The following UBXN2A variants were observed in gnomAD, a reference collection of about 807,000 sequenced individuals.
The protein encoded by UBXN2A is UBX domain-containing protein 2A.
UBXN2A carries 28 observed loss-of-function variants against 28.4 expected under a neutral mutation model. That is an observed-to-expected ratio of 0.99 (90% CI 0.73 to 1.35). The LOEUF (loss-of-function observed/expected upper bound fraction) is 1.35, where lower values mean the gene tolerates loss of function less well. Ranked by LOEUF, UBXN2A falls within the 40% of genes most tolerant of loss-of-function variation. UBXN2A has a pLI of 0.00. For synonymous variants in UBXN2A, 97 were observed against 103.6 expected (o/e 0.94, Z 0.39); for missense variants, 253 against 297.9 (o/e 0.85, Z 1.11).
intron 6 of UBXN2A, among the ~76,000 whole-genome samples, chr2:23,998,680 C>G (rs532356801): frequency 6.6e-6 from 1 of 152,078 alleles, no homozygotes. Context: ...AAGATCACGC[C>G]GCTGCATTCC....
At chr2:23,981,476 T>TAAAAAAAAAAAAAAAAAA (rs55665209) in intron 4 of UBXN2A, among the ~76,000 whole-genome samples, 3 of 28,910 alleles carry the variant, frequency 1.0e-4, no homozygotes, top group Non-Finnish European at 1.1e-4. Flanking sequence ...AGCTCCTATC[T>TAAAAAAAAAAAAAAAAAA]AAAAAAAAAA....
At chr2:23,956,017 A>G (rs1425810983) in intron 1 of UBXN2A, among the ~76,000 whole-genome samples, 2 of 152,102 alleles carry the variant, frequency 1.3e-5, no homozygotes, top group East Asian at 3.9e-4. Context: ...GATATGTGCC[A>G]CTATGCCGAG....
Position 24,001,952 on chromosome 2 carries a change from T to TGA in UBXN2A, c.*2085_*2086insGA. 6.8e-6 allele frequency: 1 copy of TGA among 147,760 alleles called. No homozygotes were observed. The highest frequency in any genetic ancestry group is 1.5e-5 in the Non-Finnish European group (1 of 67,144). The allele number at this position is 147,760 out of a possible 1,614,324, so 9.2% of individuals were successfully genotyped here. On this transcript the variant is annotated 3_prime_UTR_variant, in exon 7 of 7. Coordinates refer to ENST00000309033, the MANE Select transcript of UBXN2A (RefSeq NM_181713.4). Reference sequence around the variant, plus strand: ...CTCCAGCCTGGTGACGGAGCGAGACTCTTTCTCAAAAAAAAAAAATTATTC... The same window carrying TGA: ...CTCCAGCCTGGTGACGGAGCGAGACTGACTTTCTCAAAAAAAAAAAATTATTC...
intron 2 of UBXN2A, among the ~76,000 whole-genome samples, chr2:23,960,422 G>A (rs1309239921): frequency 6.6e-6 from 1 of 152,020 alleles, no homozygotes; most frequent in Non-Finnish European, 1.5e-5. Flanking sequence ...CTTAGAACAG[G>A]CCTGTTTTAA....
At chr2:23,991,597 G>A (rs1183482887) in intron 6 of UBXN2A, among the ~76,000 whole-genome samples, 2 of 151,330 alleles carry the variant, frequency 1.3e-5, no homozygotes, top group Non-Finnish European at 1.5e-5. Context: ...AGACTCCTGA[G>A]TAACTGGGAT....
At chr2:23,936,646 A>G (rs896278876), upstream of UBXN2A, among the ~76,000 whole-genome samples, 2 of 152,162 alleles carry the variant, frequency 1.3e-5, no homozygotes, top group Admixed American at 6.5e-5. Context: ...TACACCTAAC[A>G]TCATACTCAA....
intron 6 of UBXN2A, chr2:23,997,232 T>C (rs1708576214): frequency 6.6e-6 from 1 of 152,190 alleles, no homozygotes; most frequent in Non-Finnish European, 1.5e-5. Context: ...TGATAAATCT[T>C]GTCAGATTTG....
In UBXN2A at chr2:23,999,959, C is replaced by G; in HGVS notation, c.*92C>G. On this transcript the variant is annotated 3_prime_UTR_variant, in exon 7 of 7. Transcript: ENST00000309033. ...TTGGGGATTGGAGAAGTCAGACTCA[C>G]TAGACTTTTGGTTCGAGTACTATTG... 7.4e-7 allele frequency: 1 copy of G among 1,342,286 alleles called. No individual in the cohort carries two copies. Among genetic ancestry groups the G allele is most frequent in the Non-Finnish European group, 1.0e-6 (1 of 972,446 alleles). The allele number at this position is 1,342,286 out of a possible 1,614,324, so 83.1% of individuals were successfully genotyped here. A position where few individuals can be genotyped will look rare whatever the true frequency, so the allele number is the denominator to read the frequency against.
intron 1 of UBXN2A, among the ~76,000 whole-genome samples, chr2:23,947,474 G>T (rs1468725598): frequency 6.6e-6 from 1 of 152,124 alleles, no homozygotes; most frequent in Admixed American, 6.6e-5. Flanking sequence ...TTGGATATTT[G>T]TCAGATGGCT....
chr2:23,928,443 G>A (rs965538854), intron 1 of UBXN2A, among the ~76,000 whole-genome samples: 1 of 152,174 alleles, frequency 6.6e-6, no homozygotes, highest in African/African-American at 2.4e-5. Context: ...CAGGTGTCGT[G>A]GTGCATGCCT....
chr2:23,973,568 G>C (rs564015114), intron 3 of UBXN2A, among the ~76,000 whole-genome samples: 1 of 151,580 alleles, frequency 6.6e-6, no homozygotes, highest in African/African-American at 2.4e-5. Context: ...TCAATCTCCT[G>C]ACCTCGTGAT....
At chr2:23,953,005 A>G (rs113352997) in intron 1 of UBXN2A, among the ~76,000 whole-genome samples, 1,685 of 150,096 alleles carry the variant, frequency 0.011, 32 homozygotes, top group Non-Finnish European at 0.015. Context: ...TATTGTGGTC[A>G]TAATACATCT....
At chr2:23,952,424 G>A (rs969505980) in intron 1 of UBXN2A, among the ~76,000 whole-genome samples, 3 of 151,602 alleles carry the variant, frequency 2.0e-5, no homozygotes, top group African/African-American at 4.8e-5. Context: ...CCACCGTGCC[G>A]GGCTAATTTA....
upstream of UBXN2A, among the ~76,000 whole-genome samples, chr2:23,936,297 T>C (rs1303553528): frequency 6.6e-6 from 1 of 152,150 alleles, no homozygotes; most frequent in Non-Finnish European, 1.5e-5. Context: ...TGACACATGC[T>C]ATAACATGAA....
At chr2:23,995,283 T>C (rs1708485360) in intron 6 of UBXN2A, among the ~76,000 whole-genome samples, 1 of 151,930 alleles carries the variant, frequency 6.6e-6, no homozygotes, top group South Asian at 2.1e-4. Context: ...CCAGTGTAAA[T>C]GTGGAGCTCA....
intron 6 of UBXN2A, among the ~76,000 whole-genome samples, chr2:23,987,907 A>G (rs1573601941): frequency 6.6e-6 from 1 of 152,082 alleles, no homozygotes; most frequent in Non-Finnish European, 1.5e-5. Context: ...GCAGATCACA[A>G]GGTCAGGAGT....
chr2:23,943,483 G>A (rs1304340362), intron 1 of UBXN2A, among the ~76,000 whole-genome samples: 3 of 152,080 alleles, frequency 2.0e-5, no homozygotes, highest in East Asian at 1.9e-4. Flanking sequence ...GAGATTGTAT[G>A]TATGTATGTT....
intron 6 of UBXN2A, among the ~76,000 whole-genome samples, chr2:23,992,758 T>C (rs899498691): frequency 2.0e-5 from 3 of 152,238 alleles, no homozygotes; most frequent in African/African-American, 4.8e-5. Context: ...CTACTCTGCC[T>C]GATATTAATA....
At chr2:23,950,498 G>A (rs552177249) in intron 1 of UBXN2A, among the ~76,000 whole-genome samples, 1 of 151,924 alleles carries the variant, frequency 6.6e-6, no homozygotes, top group Non-Finnish European at 1.5e-5. Context: ...CCGACTCCTG[G>A]GTTCCAGCAA....
Sources: allele counts gnomAD v4.1 joint callset (sites outside exome capture counted in the v4.1 genomes callset), GRCh38; gene constraint gnomAD v4.1.1; transcripts MANE v1.5; gene names NCBI Gene and HGNC (gene_info 2026-07-23, HGNC 2026-07-21).